GRM5: variants seen among roughly 807,000 people sequenced by gnomAD.
GRM5 encodes the protein metabotropic glutamate receptor 5.
In GRM5, 19 loss-of-function variants were observed where a neutral mutation model predicts 83.1. The observed-to-expected ratio is 0.23, with a 90% CI of 0.16 to 0.34. The LOEUF is 0.34. GRM5 is among the 10% of genes least tolerant of loss of function. The pLI is 1.00. For missense variants in GRM5, 1,160 were observed against 1,588.3 expected (o/e 0.73, Z 4.58); for synonymous variants, 675 against 633.6 (o/e 1.07, Z -0.98).
chr11:88,755,705 TA>T (rs1565215947), intron 3 of GRM5, among the ~76,000 whole-genome samples: 1 of 152,140 alleles, frequency 6.6e-6, no homozygotes, highest in African/African-American at 2.4e-5. Context: ...GATCTTTAAG[TA>T]GTTCTGATAT....
At chr11:88,807,801 CAT>C (rs921645676) in intron 3 of GRM5, among the ~76,000 whole-genome samples, 1 of 151,962 alleles carries the variant, frequency 6.6e-6, no homozygotes, top group Non-Finnish European at 1.5e-5. Context: ...ATTCAAATAA[CAT>C]GTTTTATACA....
intron 2 of GRM5, among the ~76,000 whole-genome samples, chr11:89,030,443 A>G (rs1941236106): frequency 6.6e-6 from 1 of 152,100 alleles, no homozygotes; most frequent in Non-Finnish European, 1.5e-5. Flanking sequence ...AGGCCATGTG[A>G]GGTTGACTTT....
chr11:89,032,331 T>C (rs1565343714), intron 2 of GRM5, among the ~76,000 whole-genome samples: 2 of 152,038 alleles, frequency 1.3e-5, no homozygotes, highest in Non-Finnish European at 2.9e-5. Context: ...AAAAAGCATA[T>C]AATATATATA....
intron 2 of GRM5, among the ~76,000 whole-genome samples, chr11:88,887,674 C>T (rs1403444318): frequency 6.6e-5 from 10 of 152,054 alleles, no homozygotes; most frequent in East Asian, 5.8e-4. Flanking sequence ...CTCTGTCACA[C>T]GAAAAGGAAG....
At chr11:88,568,080 C>T in intron 7 of GRM5, 88 bp from the exon 8 acceptor site, 1 of 770,990 alleles carries the variant, frequency 1.3e-6, no homozygotes, top group East Asian at 2.7e-5. Context: ...TGTTTATGAC[C>T]ATTTCAGTTT....
intron 2 of GRM5, among the ~76,000 whole-genome samples, chr11:88,938,041 C>A (rs1443968879): frequency 6.6e-6 from 1 of 151,630 alleles, no homozygotes; most frequent in African/African-American, 2.4e-5. Flanking sequence ...AAGATTAGAT[C>A]TTAAATATTC....
At chr11:88,854,058 G>GTGTATATATATATATATA (rs1555027663) in intron 2 of GRM5, among the ~76,000 whole-genome samples, 1 of 121,196 alleles carries the variant, frequency 8.3e-6, no homozygotes, top group Non-Finnish European at 1.8e-5. Context: ...AAAATGTGGT[G>GTGTATATATATATATATA]TATATATATA....
At chr11:88,775,037 A>G (rs1591506490) in intron 3 of GRM5, among the ~76,000 whole-genome samples, 1 of 148,558 alleles carries the variant, frequency 6.7e-6, no homozygotes, top group African/African-American at 2.4e-5. Flanking sequence ...CCAGCTCCTC[A>G]TTGTAGAATT....
At chr11:88,674,275 G>A (rs570654322) in intron 3 of GRM5, among the ~76,000 whole-genome samples, 14 of 151,766 alleles carry the variant, frequency 9.2e-5, no homozygotes, top group Non-Finnish European at 1.3e-4. Flanking sequence ...CTCTAGGTGA[G>A]TCTCTCATCC....
chr11:88,652,573 C>G (rs1479892378), intron 4 of GRM5, among the ~76,000 whole-genome samples: 1 of 151,992 alleles, frequency 6.6e-6, no homozygotes, highest in Non-Finnish European at 1.5e-5. Flanking sequence ...TCTTGGTATC[C>G]TTACAACTAA....
intron 2 of GRM5, among the ~76,000 whole-genome samples, chr11:88,978,616 C>T (rs1303565215): frequency 6.7e-6 from 1 of 149,132 alleles, no homozygotes; most frequent in African/African-American, 2.5e-5. Flanking sequence ...AAGGGTTGGA[C>T]AAGCTTGATG....
intron 7 of GRM5, among the ~76,000 whole-genome samples, chr11:88,589,022 A>G (rs1449009321): frequency 1.3e-5 from 2 of 152,310 alleles, no homozygotes; most frequent in East Asian, 1.9e-4. Flanking sequence ...CTTACAGAAC[A>G]TGAGACAAAA....
At chr11:88,757,955 G>A (rs899702770) in intron 3 of GRM5, among the ~76,000 whole-genome samples, 2 of 152,120 alleles carry the variant, frequency 1.3e-5, no homozygotes, top group Non-Finnish European at 2.9e-5. Context: ...GTCCCCTAGA[G>A]TTTGAGGGCA....
At chr11:88,882,817 C>A (rs1469682868) in intron 2 of GRM5, among the ~76,000 whole-genome samples, 2 of 152,054 alleles carry the variant, frequency 1.3e-5, no homozygotes, top group Non-Finnish European at 2.9e-5. Context: ...CCAAATAATT[C>A]CCACGTGTCA....
At chr11:88,658,037 C>A (rs61902894) in intron 3 of GRM5, among the ~76,000 whole-genome samples, 23,775 of 152,078 alleles carry the variant, frequency 0.16, 1,960 homozygotes, top group East Asian at 0.21. Flanking sequence ...GTGTCCTGTT[C>A]GGAACCTGGC....
chr11:88,594,598 A>G (rs1001383188), intron 6 of GRM5, among the ~76,000 whole-genome samples: 1 of 152,218 alleles, frequency 6.6e-6, no homozygotes, highest in African/African-American at 2.4e-5. Flanking sequence ...AAAATTTCAG[A>G]TATCTAATAT....
intron 3 of GRM5, among the ~76,000 whole-genome samples, chr11:88,840,457 T>C (rs1433228313): frequency 6.6e-6 from 1 of 152,208 alleles, no homozygotes; most frequent in Non-Finnish European, 1.5e-5. Context: ...AGATCCATAT[T>C]CTGAAACCCT....
chr11:89,064,880 CTCTCTCTCTGTGTG>C (rs1234211508), intron 1 of GRM5, among the ~76,000 whole-genome samples: 1 of 59,524 alleles, frequency 1.7e-5, no homozygotes, highest in Non-Finnish European at 3.7e-5. Flanking sequence ...CTCTCTCTCT[CTCTCTCTCTGTGTG>C]TGTGTGTGTG....
At chr11:88,982,843 G>C (rs1939572833) in intron 2 of GRM5, among the ~76,000 whole-genome samples, 1 of 152,118 alleles carries the variant, frequency 6.6e-6, no homozygotes, top group South Asian at 2.1e-4. Flanking sequence ...GAAGCGAGTG[G>C]ATCTCCTGAG....
Sources: gnomAD v4.1 joint callset for allele counts (sites outside exome capture counted in the v4.1 genomes callset) on GRCh38, gnomAD v4.1.1 for gene constraint, MANE v1.5 for transcripts, NCBI Gene and HGNC (gene_info 2026-07-23, HGNC 2026-07-21) for gene names.